CD109: variants seen among roughly 807,000 people sequenced by gnomAD.
The protein encoded by CD109 is CD109 antigen.
A neutral mutation model predicts 165.8 loss-of-function variants in CD109; 149 were observed. The ratio of observed to expected loss-of-function variants is 0.90; its 90% CI spans 0.79 to 1.03. CD109 has a LOEUF of 1.03. Among genes scored for constraint, CD109 ranks in the 50% least tolerant of loss-of-function variants. The probability of loss-of-function intolerance (pLI) is 0.00; values close to 1 mark genes in which losing one functional copy is unlikely to be tolerated. For synonymous variants in CD109, 585 were observed against 592.1 expected (o/e 0.99, Z 0.18); for missense variants, 1,712 against 1,677.8 (o/e 1.02, Z -0.36).
intron 15 of CD109, among the ~76,000 whole-genome samples, chr6:73,773,857 G>C (rs1201560568): frequency 2.0e-5 from 3 of 151,796 alleles, no homozygotes; most frequent in Non-Finnish European, 4.4e-5. Flanking sequence ...CTCCTTCTGG[G>C]ACTTTTGTTT....
chr6:73,698,874 A>T (rs561360541), intron 2 of CD109, among the ~76,000 whole-genome samples: 3 of 152,322 alleles, frequency 2.0e-5, no homozygotes, highest in Non-Finnish European at 4.4e-5. Flanking sequence ...AGGTTACTTA[A>T]CTGCTTTGAG....
upstream of CD109, among the ~76,000 whole-genome samples, chr6:73,692,588 TTC>T (rs1168672543): frequency 2.0e-5 from 3 of 152,144 alleles, no homozygotes; most frequent in Non-Finnish European, 4.4e-5. Flanking sequence ...GAAATTTAAA[TTC>T]TGTTTTATAA....
chr6:73,753,426 A>G (rs1215103092), intron 5 of CD109, among the ~76,000 whole-genome samples: 2 of 152,232 alleles, frequency 1.3e-5, no homozygotes, highest in African/African-American at 4.8e-5. Context: ...TTAATTCTGA[A>G]AATTGGTATG....
chr6:73,791,132 C>CATATATATAT (rs1163631661), intron 22 of CD109, among the ~76,000 whole-genome samples: 5 of 46,802 alleles, frequency 1.1e-4, no homozygotes, highest in African/African-American at 2.4e-4. Flanking sequence ...TATATACATA[C>CATATATATAT]ATACATATAT....
At chr6:73,808,035 G>A (rs1418196354) in intron 25 of CD109, 48 bp from the exon 26 acceptor site, 4 of 1,552,426 alleles carry the variant, frequency 2.6e-6, no homozygotes, top group Non-Finnish European at 3.5e-6. Flanking sequence ...TCAGTATGTG[G>A]TAATGGGTTA....
At position 73,780,467 on chromosome 6, in the gene CD109, G is replaced by A. The variant is rs1360120562; in HGVS notation, c.1871G>A (p.Gly624Asp). 8 of 1,608,800 alleles carry A rather than the reference G, an allele frequency of 5.0e-6. No individual in the cohort carries two copies. The highest frequency in any genetic ancestry group is 6.8e-6 in the Non-Finnish European group (8 of 1,176,226). ...LELYNTGYYL[G>D]MFMNSFAVFQ... ...CTTTATAACACAGGATATTATTTAG[G>A]CATGTTCATGAATTCTTTTGCAGTC... Residue 624 changes from glycine (G) to aspartate (D), a missense_variant, in exon 16 of 33, where the codon GGC becomes GAC. By Grantham distance (94) the Gly-to-Asp change is moderately conservative. Coordinates refer to ENST00000287097, the MANE Select transcript of CD109 (RefSeq NM_133493.5).
chr6:73,771,606 T>C, intron 15 of CD109, 25 bp downstream of exon 15: 1 of 1,489,674 alleles, frequency 6.7e-7, no homozygotes, highest in Non-Finnish European at 9.1e-7. Flanking sequence ...TTTTTCATTA[T>C]GAAAATATGT....
In CD109 at chr6:73,814,965, A is replaced by T; in HGVS notation, c.3769-16A>T. On this transcript the variant is annotated splice_polypyrimidine_tract_variant and intron_variant, in intron 29 of 32. Coordinates refer to ENST00000287097, the MANE Select transcript of CD109 (RefSeq NM_133493.5). ...TTATGTCCAACTTGTTATTTATGCT[A>T]GTTTATTTTTTACAGCTCAATGTTG... 5.4e-6 allele frequency: 8 copies of T among 1,468,816 alleles called. No homozygotes were observed. The highest frequency in any genetic ancestry group is 5.4e-6 in the Non-Finnish European group (6 of 1,115,994). 91.0% of individuals were successfully genotyped at this position (1,468,816 alleles called of 1,614,324 possible).
chr6:73,771,076 T>C (rs962824744), intron 14 of CD109, among the ~76,000 whole-genome samples: 2 of 152,194 alleles, frequency 1.3e-5, no homozygotes, highest in African/African-American at 4.8e-5. Context: ...CTTTCCTCTT[T>C]CGTGTTTCTC....
chr6:73,766,851 A>G lies in CD109; in HGVS notation c.1425A>G (p.Glu475=), dbSNP rs1351479733. The stretch of plus-strand genomic sequence containing the variant: ...ACATCCAACTAAAAACAAGAGATGA[A>G]AATATAAAGGTAATGCTTACAATTC... ...KTYIQLKTRD[E]NIKVGSPFEL... The change falls in exon 12 of 33, where the codon GAA becomes GAG. Residue 475 remains glutamate, a synonymous_variant. Coordinates refer to ENST00000287097, the MANE Select transcript of CD109 (RefSeq NM_133493.5). 58 of 1,611,318 alleles carry G rather than the reference A, an allele frequency of 3.6e-5. No individual in the cohort carries two copies. The highest frequency in any genetic ancestry group is 4.8e-5 in the Non-Finnish European group (57 of 1,177,824).
At chr6:73,710,404 C>G (rs367584162) in intron 2 of CD109, among the ~76,000 whole-genome samples, 37 of 152,222 alleles carry the variant, frequency 2.4e-4, no homozygotes, top group African/African-American at 8.2e-4. Flanking sequence ...AGGACCTCTT[C>G]AAGGAGAACT....
intron 3 of CD109, among the ~76,000 whole-genome samples, chr6:73,729,661 A>G (rs575371452): frequency 1.6e-4 from 25 of 152,022 alleles, no homozygotes; most frequent in Non-Finnish European, 3.1e-4. Flanking sequence ...CTACAGGCGC[A>G]TGCCACCACA....
At chr6:73,722,582 T>C (rs1054785783) in intron 2 of CD109, among the ~76,000 whole-genome samples, 1 of 152,232 alleles carries the variant, frequency 6.6e-6, no homozygotes, top group Middle Eastern at 3.2e-3. Flanking sequence ...CGGGGCCTAT[T>C]ATTTCCTTCT....
intron 32 of CD109, among the ~76,000 whole-genome samples, chr6:73,821,734 GA>G (rs998282950): frequency 6.6e-6 from 1 of 152,172 alleles, no homozygotes; most frequent in Non-Finnish European, 1.5e-5. Flanking sequence ...TGGGGAGGGA[GA>G]GGGGGAATAA....
chr6:73,776,710 A>ACC (rs1191333425), intron 15 of CD109, among the ~76,000 whole-genome samples: 1 of 151,794 alleles, frequency 6.6e-6, no homozygotes, highest in Non-Finnish European at 1.5e-5. Flanking sequence ...GGCGTGAGCC[A>ACC]CCATACCCAG....
intron 5 of CD109, among the ~76,000 whole-genome samples, chr6:73,745,163 G>T (rs1772933764): frequency 6.6e-6 from 1 of 151,884 alleles, no homozygotes. Context: ...GTGCAGTGGT[G>T]CTGTCTCAGC....
At chr6:73,791,544 A>C (rs1774969222) in intron 22 of CD109, among the ~76,000 whole-genome samples, 1 of 151,326 alleles carries the variant, frequency 6.6e-6, no homozygotes, top group Non-Finnish European at 1.5e-5. Context: ...CTTACACAGG[A>C]ACGATTCTGT....
Position 73,823,752 on chromosome 6 carries a change from G to T in CD109, c.*119G>T. On this transcript the variant is annotated 3_prime_UTR_variant, in exon 33 of 33. Transcript: ENST00000287097. The stretch of plus-strand genomic sequence containing the variant: ...AAAAGAGTTTTTTTTCTTTCTATGG[G>T]GTTGCAGGGATGGTGTACAACAGGT... 3.3e-6 allele frequency: 3 copies of T among 905,404 alleles called. No homozygotes were observed. The highest frequency in any genetic ancestry group is 3.4e-5 in the South Asian group (2 of 57,976). The allele number at this position is 905,404 out of a possible 1,614,324, so 56.1% of individuals were successfully genotyped here.
intron 10 of CD109, among the ~76,000 whole-genome samples, chr6:73,764,520 A>G (rs1350977554): frequency 6.6e-6 from 1 of 152,192 alleles, no homozygotes; most frequent in Non-Finnish European, 1.5e-5. Context: ...TGATTTAAAG[A>G]AAGGAGGAGT....
Sources: gnomAD v4.1 joint callset for allele counts (sites outside exome capture counted in the v4.1 genomes callset) on GRCh38, gnomAD v4.1.1 for gene constraint, MANE v1.5 for transcripts, NCBI Gene and HGNC (gene_info 2026-07-23, HGNC 2026-07-21) for gene names.